PRMT8: variants seen among roughly 807,000 people sequenced by gnomAD.
PRMT8 encodes the protein protein arginine N-methyltransferase 8.
Under a neutral mutation model 47.1 loss-of-function variants are expected in PRMT8, and 7 were observed. The ratio of observed to expected loss-of-function variants is 0.15; its 90% CI spans 0.08 to 0.28. The LOEUF is 0.28. Ranked by LOEUF, PRMT8 falls within the 10% of genes least tolerant of loss-of-function variation. PRMT8 has a pLI of 1.00. For synonymous variants in PRMT8, 188 were observed against 186.5 expected (o/e 1.01, Z -0.07); for missense variants, 237 against 505.4 (o/e 0.47, Z 5.09).
At chr12:3,530,891 A>G (rs1866020142) in intron 1 of PRMT8, among the ~76,000 whole-genome samples, 1 of 152,198 alleles carries the variant, frequency 6.6e-6, no homozygotes, top group African/African-American at 2.4e-5. Flanking sequence ...TAGCCCCACA[A>G]AAGAGGCGGG....
At chr12:3,498,583 C>T (rs1361834922) in intron 1 of PRMT8, among the ~76,000 whole-genome samples, 1 of 152,176 alleles carries the variant, frequency 6.6e-6, no homozygotes, top group Non-Finnish European at 1.5e-5. Flanking sequence ...CGCATCTAAA[C>T]TATCCCTAGG....
chr12:3,399,975 G>T (rs1185930159), intron 1 of PRMT8, among the ~76,000 whole-genome samples: 1 of 152,076 alleles, frequency 6.6e-6, no homozygotes, highest in Non-Finnish European at 1.5e-5. Flanking sequence ...TCTATTGAAG[G>T]CTTTAAAAAT....
At chr12:3,428,249 C>T (rs1477289271) in intron 1 of PRMT8, among the ~76,000 whole-genome samples, 2 of 143,974 alleles carry the variant, frequency 1.4e-5, no homozygotes, top group Admixed American at 1.4e-4. Context: ...TTCTTTCTTT[C>T]TTTTTTTTTT....
In PRMT8 at chr12:3,593,150, A is replaced by G. The variant is rs1399251184; in HGVS notation, c.1153A>G (p.Thr385Ala). Reference sequence around the variant, plus strand: ...GGATTTTAAGGGACAGCTGTGTGAAACATCTGTATCTAATGACTACAAAAT... The same window carrying G: ...GGATTTTAAGGGACAGCTGTGTGAAGCATCTGTATCTAATGACTACAAAAT... Reference protein sequence around the residue: ...DLDFKGQLCETSVSNDYKMR With the variant: ...DLDFKGQLCEASVSNDYKMR The change falls in exon 10 of 10, where the codon ACA becomes GCA. Residue 385 changes from threonine to alanine, a missense_variant. Thr to Ala is a moderately conservative substitution (Grantham distance 58). This residue lies in a region of PRMT8 where 151 missense variants were observed against 341.1 expected (regional missense o/e 0.44). Transcript: ENST00000382622. This position sits in a 1 kb window ranked among gnomAD's most constrained non-coding sequence, Gnocchi z 4.8. The G allele has an allele frequency of 1.2e-6, 2 of 1,614,016 alleles. No homozygotes were observed. The highest frequency in any genetic ancestry group is 2.7e-5 in the African/African-American group (2 of 74,934).
At chr12:3,587,172 A>G (rs1867196434) in intron 8 of PRMT8, among the ~76,000 whole-genome samples, 1 of 148,250 alleles carries the variant, frequency 6.7e-6, no homozygotes, top group Non-Finnish European at 1.5e-5. Flanking sequence ...GCTAATTTAT[A>G]TATTAATTAT....
At chr12:3,388,889 A>G in intron 1 of PRMT8, among the ~76,000 whole-genome samples, 1 of 152,110 alleles carries the variant, frequency 6.6e-6, no homozygotes, top group East Asian at 1.9e-4. Flanking sequence ...TTTTTCCCCA[A>G]AGCCTGATGC....
At chr12:3,416,133 C>A (rs1024921209) in intron 1 of PRMT8, among the ~76,000 whole-genome samples, 1 of 152,212 alleles carries the variant, frequency 6.6e-6, no homozygotes, top group Non-Finnish European at 1.5e-5. Context: ...CTGCCTAGGT[C>A]TCCTCGCTCC....
intron 1 of PRMT8, among the ~76,000 whole-genome samples, chr12:3,482,475 C>T (rs1865284303): frequency 6.6e-6 from 1 of 152,080 alleles, no homozygotes; most frequent in Non-Finnish European, 1.5e-5. Flanking sequence ...GCCCAGTTTT[C>T]TAGAAGTTAA....
Position 3,508,156 on chromosome 12 carries a change from C to T in PRMT8, c.75+16456C>T, listed in dbSNP as rs1415849290. Among the ~76,000 whole-genome samples the T allele has an allele frequency of 6.6e-6, 1 of 151,918 alleles. No individual in the cohort carries two copies. ...GTTACAACTTTAAGATTTTTTTCTG[C>T]CCAGTTGTTGTTTCACTTTTAGGAG... On this transcript the variant is annotated intron_variant, in intron 1 of 9. Coordinates refer to ENST00000382622, the MANE Select transcript of PRMT8 (RefSeq NM_019854.5). This position sits in a 1 kb window ranked among gnomAD's most constrained non-coding sequence, Gnocchi z 4.9.
At chr12:3,519,421 G>C (rs1013935192) in intron 1 of PRMT8, among the ~76,000 whole-genome samples, 1 of 152,194 alleles carries the variant, frequency 6.6e-6, no homozygotes, top group Admixed American at 6.5e-5. Context: ...CAACAAAGAG[G>C]TGCCGGGAAA....
rs896673665 is a variant in PRMT8 at position 3,483,578 on chromosome 12, T to C, written c.49-57028T>C. The stretch of plus-strand genomic sequence containing the variant: ...ATAGGTGAATAAGCCACAGAGTAGA[T>C]TGTGTCTGGTAAGATGAGGACTCTG... On this transcript the variant is annotated intron_variant, in intron 1 of 9. Coordinates refer to the PRMT8 transcript ENST00000452611. Among the ~76,000 whole-genome samples the C allele has an allele frequency of 1.6e-4, 25 of 152,162 alleles. 2 individuals carry two copies. Among genetic ancestry groups the C allele is most frequent in the Non-Finnish European group, 5.9e-5 (4 of 68,020 alleles).
At position 3,558,977 on chromosome 12, in the gene PRMT8, T is replaced by C. The variant is rs1866582057; in HGVS notation, c.481+5263T>C. ...ATCTATCTACCTATCTATCTATCTA[T>C]CTATCTATCTATCTGTCTATCTATC... On this transcript the variant is annotated intron_variant, in intron 4 of 9. Coordinates refer to ENST00000382622, the MANE Select transcript of PRMT8 (RefSeq NM_019854.5). 2.0e-5 allele frequency among the ~76,000 whole-genome samples: 3 copies of C among 151,924 alleles called. No homozygotes were observed. The South Asian group carries it at 6.3e-4, about 32-fold the overall frequency.
intron 1 of PRMT8, 27 bp from the exon 2 acceptor site, chr12:3,540,579 C>T: frequency 1.3e-6 from 2 of 1,487,906 alleles, no homozygotes; most frequent in Non-Finnish European, 1.9e-6. Context: ...TCTCTCCTAA[C>T]ACCCGACCCC....
chr12:3,540,932 C>T, intron 2 of PRMT8, 141 bp downstream of exon 2: 1 of 1,052,422 alleles, frequency 9.5e-7, no homozygotes, highest in East Asian at 2.5e-5. Flanking sequence ...GACCCTTTCT[C>T]CAATCCGGGG....
chr12:3,388,176 C>T (rs578027751), intron 1 of PRMT8, among the ~76,000 whole-genome samples: 1 of 151,932 alleles, frequency 6.6e-6, no homozygotes, highest in South Asian at 2.1e-4. Flanking sequence ...AGAATCACTT[C>T]CCAGCCTTCC....
intron 1 of PRMT8, among the ~76,000 whole-genome samples, chr12:3,405,480 A>T (rs995208422): frequency 1.3e-5 from 2 of 152,166 alleles, no homozygotes; most frequent in Non-Finnish European, 2.9e-5. Flanking sequence ...TCATTCTAGC[A>T]TTAACTCAAC....
At chr12:3,499,193 C>CTTTTTT (rs57788869) in intron 1 of PRMT8, among the ~76,000 whole-genome samples, 1 of 122,258 alleles carries the variant, frequency 8.2e-6, no homozygotes, top group Non-Finnish European at 1.7e-5. Flanking sequence ...TTTTTCCTTT[C>CTTTTTT]TTTTTTTTTT....
At chr12:3,558,961 C>CCTAT (rs61644721) in intron 4 of PRMT8, among the ~76,000 whole-genome samples, 28,334 of 149,972 alleles carry the variant, frequency 0.19, 2,831 homozygotes, top group East Asian at 0.31. Context: ...TATCTATCTA[C>CCTAT]CTATCTATCT....
intron 1 of PRMT8, among the ~76,000 whole-genome samples, chr12:3,458,110 G>A (rs1191714233): frequency 6.6e-6 from 1 of 152,110 alleles, no homozygotes. Context: ...CAAAGCGCTG[G>A]GATTACAGGC....
Sources: allele counts gnomAD v4.1 joint callset (sites outside exome capture counted in the v4.1 genomes callset), GRCh38; gene constraint gnomAD v4.1.1; regional missense constraint gnomAD v4.1.1; non-coding constraint Gnocchi (gnomAD v3.1); transcripts MANE v1.5; gene names NCBI Gene and HGNC (gene_info 2026-07-23, HGNC 2026-07-21).